TENM3: variants seen among roughly 807,000 people sequenced by gnomAD.
TENM3 encodes teneurin-3.
TENM3 carries 63 observed loss-of-function variants against 255.1 expected under a neutral mutation model. The observed-to-expected ratio is 0.25, with a 90% CI of 0.20 to 0.30. TENM3 has a LOEUF of 0.30. Ranked by LOEUF, TENM3 falls within the 10% of genes least tolerant of loss-of-function variation. The probability of loss-of-function intolerance (pLI) is 1.00; values close to 1 mark genes in which losing one functional copy is unlikely to be tolerated. For synonymous variants in TENM3, 1,306 were observed against 1,322.3 expected, an observed-to-expected ratio of 0.99 and a Z score of 0.27; for missense variants, 2,929 against 3,461.1, an observed-to-expected ratio of 0.85 and a Z score of 3.86.
chr4:181,599,264 C>T, the TENM3 span, among the ~76,000 whole-genome samples: 2 of 152,192 alleles, frequency 1.3e-5, no homozygotes, highest in East Asian at 1.9e-4. Context: ...TTATTCCCTT[C>T]GTTCTGTGCA....
intron 11 of TENM3, among the ~76,000 whole-genome samples, chr4:182,682,238 G>A (rs1756234512): frequency 6.6e-6 from 1 of 152,118 alleles, no homozygotes; most frequent in Admixed American, 6.5e-5. Context: ...ATTATGCGGA[G>A]ACTCATCTTT....
the TENM3 span, among the ~76,000 whole-genome samples, chr4:181,449,735 C>A: frequency 7.2e-5 from 11 of 152,096 alleles, no homozygotes; most frequent in African/African-American, 2.7e-4. Flanking sequence ...TGCAATGAGC[C>A]GAGATCGTGC....
chr4:182,185,581 A>G (rs1753102759), intron 1 of TENM3, among the ~76,000 whole-genome samples: 1 of 152,190 alleles, frequency 6.6e-6, no homozygotes, highest in South Asian at 2.1e-4. Flanking sequence ...GTCTCACCAG[A>G]CAGAGAGTGC....
intron 20 of TENM3, among the ~76,000 whole-genome samples, chr4:182,752,932 T>A (rs1169994245): frequency 6.6e-6 from 1 of 151,448 alleles, no homozygotes; most frequent in Non-Finnish European, 1.5e-5. Flanking sequence ...TTGGATTATT[T>A]CCTTACTGAA....
At chr4:181,474,630 G>A in the TENM3 span, among the ~76,000 whole-genome samples, 1 of 151,892 alleles carries the variant, frequency 6.6e-6, no homozygotes, top group African/African-American at 2.4e-5. Flanking sequence ...TGCTACTTGG[G>A]AGGCTGAGGC....
chr4:182,149,980 T>C lies in TENM3; in HGVS notation c.-76+5226T>C, dbSNP rs934799448. Among the ~76,000 whole-genome samples, 45 of 152,106 alleles carry C rather than the reference T, an allele frequency of 3.0e-4. 1 individual carries two copies. The highest frequency in any genetic ancestry group is 1.1e-3 in the African/African-American group (45 of 41,438). ...CATTTAATGATATAAAATTGTATCA[T>C]TTATATAATTATATAAAAGTCATGG... On this transcript the variant is annotated intron_variant, in intron 1 of 2. Transcript: ENST00000512480.
At chr4:182,299,016 A>AAAAAAAAAAAAAAAAAAAAAAAAAAAT (rs1554045594) in intron 1 of TENM3, among the ~76,000 whole-genome samples, 1 of 102,304 alleles carries the variant, frequency 9.8e-6, no homozygotes, top group East Asian at 2.5e-4. Flanking sequence ...AAAAAAAAAA[A>AAAAAAAAAAAAAAAAAAAAAAAAAAAT]GAGGTAATGG....
intron 5 of TENM3, among the ~76,000 whole-genome samples, chr4:182,653,319 G>GT (rs1333785003): frequency 2.0e-4 from 30 of 152,146 alleles, no homozygotes; most frequent in Admixed American, 2.0e-3. Context: ...TGTGAGACAA[G>GT]TTTTTGGGTT....
intron 2 of TENM3, among the ~76,000 whole-genome samples, chr4:182,341,685 G>T (rs1580219919): frequency 6.6e-6 from 1 of 152,086 alleles, no homozygotes; most frequent in African/African-American, 2.4e-5. Flanking sequence ...TTAAGATCAG[G>T]TGATTTTATT....
At chr4:182,416,559 T>C (rs73869979) in intron 3 of TENM3, among the ~76,000 whole-genome samples, 2,120 of 152,332 alleles carry the variant, frequency 0.014, 40 homozygotes, top group African/African-American at 0.047. Flanking sequence ...TACATTTTTT[T>C]AAGGTATTTA....
intron 9 of TENM3, 71 bp from the exon 10 acceptor site, chr4:182,680,472 G>C: frequency 6.4e-7 from 1 of 1,558,900 alleles, no homozygotes; most frequent in Non-Finnish European, 8.8e-7. Flanking sequence ...TTGTTCCAGC[G>C]ATGTGTCTTT....
the TENM3 span, among the ~76,000 whole-genome samples, chr4:182,047,345 CG>C: frequency 6.6e-6 from 1 of 151,880 alleles, no homozygotes; most frequent in South Asian, 2.1e-4. Flanking sequence ...GGGTGGATTA[CG>C]AGGTCGGGAG....
intron 3 of TENM3, among the ~76,000 whole-genome samples, chr4:182,401,026 A>G (rs1374778197): frequency 6.6e-6 from 1 of 152,214 alleles, no homozygotes; most frequent in Admixed American, 6.5e-5. Context: ...AGATGGCTGT[A>G]GCGATGGAGA....
intron 1 of TENM3, among the ~76,000 whole-genome samples, chr4:182,256,722 AT>A (rs1347287852): frequency 6.6e-6 from 1 of 152,106 alleles, no homozygotes; most frequent in Admixed American, 6.6e-5. Context: ...GTTTATTTAA[AT>A]TTTTTAATGA....
the TENM3 span, among the ~76,000 whole-genome samples, chr4:181,601,689 A>G: frequency 1.3e-5 from 2 of 152,148 alleles, no homozygotes; most frequent in Non-Finnish European, 2.9e-5. Flanking sequence ...CTTTATAAAA[A>G]TGTTATTATA....
intron 3 of TENM3, among the ~76,000 whole-genome samples, chr4:182,452,290 A>G (rs949901113): frequency 7.2e-6 from 1 of 138,588 alleles, no homozygotes; most frequent in Non-Finnish European, 1.5e-5. Flanking sequence ...TAAATAAATT[A>G]TTAGGAGCAG....
At chr4:182,213,317 A>G (rs1270317031) in intron 1 of TENM3, among the ~76,000 whole-genome samples, 3 of 152,212 alleles carry the variant, frequency 2.0e-5, no homozygotes, top group Non-Finnish European at 2.9e-5. Context: ...AAAAAGCAAC[A>G]TTGAAAAGAA....
chr4:181,754,009 G>A, the TENM3 span, among the ~76,000 whole-genome samples: 7 of 152,230 alleles, frequency 4.6e-5, no homozygotes, highest in East Asian at 1.4e-3. Context: ...AGAAGCAACT[G>A]TATGAGATTG....
At chr4:181,459,478 G>T in the TENM3 span, among the ~76,000 whole-genome samples, 3 of 151,524 alleles carry the variant, frequency 2.0e-5, no homozygotes, top group South Asian at 6.2e-4. Flanking sequence ...ACATAATTTT[G>T]GTTTTCATAT....
Sources: allele counts gnomAD v4.1 joint callset (sites outside exome capture counted in the v4.1 genomes callset), GRCh38; gene constraint gnomAD v4.1.1; transcripts MANE v1.5; gene names NCBI Gene and HGNC (gene_info 2026-07-23, HGNC 2026-07-21).